Variants in PTPRD observed in about 807,000 individuals in gnomAD.
PTPRD encodes the protein protein tyrosine phosphatase receptor type D.
In PTPRD, 34 loss-of-function variants were observed where a neutral mutation model predicts 214.5. The observed-to-expected ratio is 0.16, with a 90% CI of 0.12 to 0.21. The LOEUF (loss-of-function observed/expected upper bound fraction) is 0.21. PTPRD is among the 10% of genes least tolerant of loss of function. PTPRD has a pLI of 1.00. For synonymous variants in PTPRD, 1,128 were observed against 845.7 expected (o/e 1.33, Z -5.79); for missense variants, 2,545 against 2,398.7 (o/e 1.06, Z -1.27).
chr9:9,422,836 G>T (rs756847303), intron 8 of PTPRD, among the ~76,000 whole-genome samples: 4 of 152,116 alleles, frequency 2.6e-5, no homozygotes, highest in Non-Finnish European at 4.4e-5. Flanking sequence ...AGCCTTACAA[G>T]GTAAAAGGCT....
intron 2 of PTPRD, among the ~76,000 whole-genome samples, chr9:10,452,251 G>A (rs78478716): frequency 0.012 from 1,817 of 151,878 alleles, 34 homozygotes; most frequent in African/African-American, 0.039. Flanking sequence ...TTTTCCATAC[G>A]TTGGTCATTG....
At chr9:8,678,528 C>T (rs1000587545) in intron 12 of PTPRD, among the ~76,000 whole-genome samples, 2 of 152,050 alleles carry the variant, frequency 1.3e-5, no homozygotes, top group African/African-American at 4.8e-5. Flanking sequence ...TCAAGTTTAA[C>T]GAGGGCAAAA....
chr9:9,458,390 A>G (rs1439742283), intron 8 of PTPRD, among the ~76,000 whole-genome samples: 1 of 152,032 alleles, frequency 6.6e-6, no homozygotes, highest in East Asian at 1.9e-4. Flanking sequence ...CTAACATTGT[A>G]TGGTTTTAAC....
chr9:8,934,655 T>C (rs1009167669), intron 11 of PTPRD, among the ~76,000 whole-genome samples: 2 of 149,406 alleles, frequency 1.3e-5, no homozygotes, highest in Non-Finnish European at 3.0e-5. Context: ...CTCTTATTTC[T>C]AGTATACCCT....
chr9:10,485,044 T>A (rs1296189719), intron 2 of PTPRD, among the ~76,000 whole-genome samples: 1 of 152,000 alleles, frequency 6.6e-6, no homozygotes, highest in African/African-American at 2.4e-5. Flanking sequence ...TTTTTGCATA[T>A]GAAAGGAGAT....
chr9:9,078,603 T>C (rs1432358801), intron 10 of PTPRD, among the ~76,000 whole-genome samples: 1 of 152,050 alleles, frequency 6.6e-6, no homozygotes, highest in African/African-American at 2.4e-5. Context: ...TTAGATTGTG[T>C]TCTCCAGAAG....
intron 14 of PTPRD, among the ~76,000 whole-genome samples, chr9:8,603,478 C>T (rs916585668): frequency 6.6e-6 from 1 of 152,090 alleles, no homozygotes; most frequent in Non-Finnish European, 1.5e-5. Context: ...ATCTCCTTAA[C>T]GGTTTGCTTT....
chr9:9,237,290 C>T (rs2099967423), intron 9 of PTPRD, among the ~76,000 whole-genome samples: 1 of 152,080 alleles, frequency 6.6e-6, no homozygotes, highest in Non-Finnish European at 1.5e-5. Flanking sequence ...CTTACCTGGG[C>T]ATGATGGCAC....
intron 3 of PTPRD, among the ~76,000 whole-genome samples, chr9:10,101,977 C>A (rs79341644): frequency 6.6e-6 from 1 of 151,620 alleles, no homozygotes; most frequent in African/African-American, 2.4e-5. Flanking sequence ...AATTGGCCAG[C>A]CATACACATC....
At chr9:9,891,994 T>A (rs1354656180) in intron 5 of PTPRD, among the ~76,000 whole-genome samples, 1 of 152,164 alleles carries the variant, frequency 6.6e-6, no homozygotes, top group Non-Finnish European at 1.5e-5. Context: ...GGCCCTGTTT[T>A]CTTCATTTTA....
chr9:9,619,236 G>C (rs1046428112), intron 7 of PTPRD, among the ~76,000 whole-genome samples: 1 of 151,912 alleles, frequency 6.6e-6, no homozygotes, highest in South Asian at 2.1e-4. Context: ...TTTTATGGTT[G>C]TTTAAGATTA....
At chr9:9,185,786 T>A (rs2131596157) in intron 9 of PTPRD, among the ~76,000 whole-genome samples, 1 of 152,212 alleles carries the variant, frequency 6.6e-6, no homozygotes, top group Non-Finnish European at 1.5e-5. Flanking sequence ...ATAAAGCATT[T>A]CTCTAGTGTC....
intron 6 of PTPRD, among the ~76,000 whole-genome samples, chr9:9,764,955 T>C (rs1200356120): frequency 6.6e-6 from 1 of 152,142 alleles, no homozygotes; most frequent in African/African-American, 2.4e-5. Context: ...TGCACATCCA[T>C]GGGAAACTGA....
chr9:10,402,357 T>C (rs1040006186), intron 2 of PTPRD, among the ~76,000 whole-genome samples: 2 of 151,716 alleles, frequency 1.3e-5, no homozygotes, highest in African/African-American at 4.8e-5. Flanking sequence ...TCCTAAGATA[T>C]GTTTTAAAGG....
chr9:9,179,969 A>G (rs902541171), intron 10 of PTPRD, among the ~76,000 whole-genome samples: 6 of 152,098 alleles, frequency 3.9e-5, no homozygotes, highest in African/African-American at 1.4e-4. Flanking sequence ...AAATGTTAAA[A>G]TATTTAAGGG....
At chr9:9,656,012 C>G (rs1174014893) in intron 7 of PTPRD, among the ~76,000 whole-genome samples, 1 of 152,058 alleles carries the variant, frequency 6.6e-6, no homozygotes, top group African/African-American at 2.4e-5. Flanking sequence ...GGAAGATAAG[C>G]ATATGAAAAG....
intron 2 of PTPRD, among the ~76,000 whole-genome samples, chr9:10,341,528 G>A (rs979249539): frequency 2.0e-5 from 3 of 151,940 alleles, no homozygotes; most frequent in African/African-American, 2.4e-5. Flanking sequence ...ATATGGATGA[G>A]TTATGTCTTC....
intron 10 of PTPRD, among the ~76,000 whole-genome samples, chr9:9,180,171 A>C (rs1415467420): frequency 6.6e-6 from 1 of 151,614 alleles, no homozygotes; most frequent in Non-Finnish European, 1.5e-5. Flanking sequence ...GGCACTATTC[A>C]CAATAGCAAA....
chr9:10,042,293 A>C (rs1040840781), intron 3 of PTPRD, among the ~76,000 whole-genome samples: 1 of 151,974 alleles, frequency 6.6e-6, no homozygotes, highest in Non-Finnish European at 1.5e-5. Flanking sequence ...AGGAATCAGC[A>C]AAAAGAGGCA....
Sources: gnomAD v4.1 joint callset for allele counts (sites outside exome capture counted in the v4.1 genomes callset) on GRCh38, gnomAD v4.1.1 for gene constraint, MANE v1.5 for transcripts, NCBI Gene and HGNC (gene_info 2026-07-23, HGNC 2026-07-21) for gene names.